Variants in SEC31B observed in about 807,000 individuals in gnomAD.
SEC31B encodes the protein protein transport protein Sec31B.
A neutral mutation model predicts 135.0 loss-of-function variants in SEC31B; 113 were observed. The observed-to-expected ratio is 0.84, with a 90% CI of 0.72 to 0.98. SEC31B has a LOEUF of 0.98. Among genes scored for constraint, SEC31B ranks in the 50% least tolerant of loss-of-function variants. The pLI, the probability that SEC31B is intolerant of heterozygous loss-of-function variation, is 0.00. For missense variants in SEC31B, 1,296 were observed against 1,421.1 expected, an observed-to-expected ratio of 0.91 and a Z score of 1.42; for synonymous variants, 508 against 549.4, an observed-to-expected ratio of 0.92 and a Z score of 1.05.
rs2295773 is a variant in SEC31B at position 100,506,058 on chromosome 10, A to G, written c.1026T>C (p.His342=). ...TTCAAACCTTGTCAGCCTGTCTCAT[A>G]TGCTGGACTTCCCAGCTCCTACCCA... The part of the protein sequence containing the change: ...SVMGRSWEVQ[H]MRQADKISSS... The change falls in exon 9 of 26, where the codon CAT becomes CAC. Residue 342 remains histidine, a synonymous_variant. Coordinates refer to ENST00000370345, the MANE Select transcript of SEC31B (RefSeq NM_015490.4). The G allele has an allele frequency of 0.22, 347,545 of 1,613,790 alleles. 38,236 individuals carry two copies. Among genetic ancestry groups the G allele is most frequent in the South Asian group, 0.23 (20,774 of 91,072 alleles).
chr10:100,508,877 G>C, intron 5 of SEC31B, 130 bp downstream of exon 5: 1 of 702,142 alleles, frequency 1.4e-6, no homozygotes, highest in Non-Finnish European at 2.5e-6. Context: ...ATGTTAGTCT[G>C]TGGAGCTTTA....
chr10:100,505,832 C>G, intron 9 of SEC31B: 2 of 1,472,448 alleles, frequency 1.4e-6, no homozygotes, highest in Non-Finnish European at 1.8e-6. Context: ...CATCCAATAA[C>G]AAGAGTCAAG....
At chr10:100,512,302 A>G (rs1851750790) in intron 3 of SEC31B, among the ~76,000 whole-genome samples, 1 of 152,184 alleles carries the variant, frequency 6.6e-6, no homozygotes, top group South Asian at 2.1e-4. Context: ...ACAGCAGACC[A>G]CACATTGATC....
intron 5 of SEC31B, chr10:100,508,578 C>T (rs770428085): frequency 8.7e-6 from 4 of 458,954 alleles, no homozygotes; most frequent in African/African-American, 2.0e-5. Context: ...AACTGCATGG[C>T]AGAGCCACAT....
intron 23 of SEC31B, 124 bp downstream of exon 23, chr10:100,489,128 A>C: frequency 7.0e-7 from 1 of 1,432,712 alleles, no homozygotes; most frequent in Non-Finnish European, 9.3e-7. Context: ...CAGTAAGGAC[A>C]CCTGGTACCT....
Position 100,488,848 on chromosome 10 carries a change from T to C in SEC31B, c.3288+10A>G. ...GCGAGGAGGGCACTGTGAAGAAGGTTCAGACTTACTAAGTCAGTTGCAGAC... is the reference window on the plus strand; with the variant it reads ...GCGAGGAGGGCACTGTGAAGAAGGTCCAGACTTACTAAGTCAGTTGCAGAC... On this transcript the variant is annotated intron_variant, in intron 24 of 25. Coordinates refer to ENST00000370345, the MANE Select transcript of SEC31B (RefSeq NM_015490.4). The C allele has an allele frequency of 6.3e-7, 1 of 1,580,066 alleles. No individual in the cohort carries two copies. Among genetic ancestry groups the C allele is most frequent in the Non-Finnish European group, 8.6e-7 (1 of 1,163,902 alleles).
intron 11 of SEC31B, among the ~76,000 whole-genome samples, chr10:100,501,422 T>TA (rs2133684833): frequency 6.6e-6 from 1 of 152,298 alleles, no homozygotes; most frequent in Non-Finnish European, 1.5e-5. Flanking sequence ...CATCATTTCT[T>TA]ATTCTTTTCT....
At chr10:100,497,400 C>G in intron 16 of SEC31B, 120 bp from the exon 17 acceptor site, 1 of 1,524,284 alleles carries the variant, frequency 6.6e-7, no homozygotes, top group Non-Finnish European at 8.8e-7. Context: ...TAAGACAACA[C>G]TGAGACTCAC....
At position 100,509,480 on chromosome 10, in the gene SEC31B, T is replaced by G; in HGVS notation, c.235A>C (p.Ser79Arg). 3 of 1,613,788 alleles carry G rather than the reference T, an allele frequency of 1.9e-6. No individual in the cohort carries two copies. Among genetic ancestry groups the G allele is most frequent in the Non-Finnish European group, 2.5e-6 (3 of 1,179,794 alleles). ...ACCCCGGAGCTTTCCAGAAGCCCAC[T>G]GCCAAAGCTCCCCCAGACCAGCTTG... is the stretch of plus-strand genomic sequence containing the variant. ...FHKLVWGSFGSGLLESSGVIV... is the reference protein window; with the variant it reads ...FHKLVWGSFGRGLLESSGVIV... The change falls in exon 4 of 26, where the codon AGT (serine) becomes CGT (arginine). Residue 79 changes from serine (S) to arginine (R), a missense_variant. Ser to Arg is a moderately radical substitution (Grantham distance 110). Transcript: ENST00000370345.
chr10:100,492,222 A>G (rs1589730619), intron 19 of SEC31B, among the ~76,000 whole-genome samples: 1 of 152,176 alleles, frequency 6.6e-6, no homozygotes, highest in South Asian at 2.1e-4. Flanking sequence ...ATTCATGTTC[A>G]CTATTTATTT....
chr10:100,505,406 T>C lies in SEC31B; in HGVS notation c.1134A>G (p.Lys378=), dbSNP rs1388800951. 3 of 1,611,470 alleles carry C rather than the reference T, an allele frequency of 1.9e-6. No homozygotes were observed. The highest frequency in any genetic ancestry group is 2.5e-6 in the Non-Finnish European group (3 of 1,178,744). ...VAQAPLIPPL[K]KPPKWIRRPT... Reference sequence around the variant, plus strand: ...GTCTTCTAATCCATTTGGGGGGTTTTTTCAGGGGAGGTATCAGTGGTGCTT... The same window carrying C: ...GTCTTCTAATCCATTTGGGGGGTTTCTTCAGGGGAGGTATCAGTGGTGCTT... Residue 378 remains lysine (K), a synonymous_variant, in exon 10 of 26, where the codon AAA becomes AAG. Coordinates refer to ENST00000370345, the MANE Select transcript of SEC31B (RefSeq NM_015490.4).
At chr10:100,507,790 T>C in intron 6 of SEC31B, 118 bp downstream of exon 6, 2 of 1,428,728 alleles carry the variant, frequency 1.4e-6, no homozygotes, top group Non-Finnish European at 1.9e-6. Context: ...GCTAAGCGGC[T>C]GACTCCACAT....
chr10:100,488,759 A>T (rs1851240116), intron 24 of SEC31B, 99 bp downstream of exon 24: 1 of 1,411,776 alleles, frequency 7.1e-7, no homozygotes, highest in African/African-American at 1.5e-5. Flanking sequence ...GTCCAGGGGC[A>T]GTGAGAAGAG....
intron 3 of SEC31B, among the ~76,000 whole-genome samples, chr10:100,511,759 C>T (rs907496402): frequency 2.0e-5 from 3 of 152,212 alleles, no homozygotes; most frequent in Admixed American, 2.0e-4. Flanking sequence ...AGTTTGTCCA[C>T]ATTCAAGCCA....
intron 12 of SEC31B, 39 bp from the exon 13 acceptor site, chr10:100,499,297 T>A: frequency 6.9e-7 from 1 of 1,447,736 alleles, no homozygotes; most frequent in Non-Finnish European, 9.6e-7. Context: ...CTTTCAAGCG[T>A]AAGATCAAAT....
intron 10 of SEC31B, among the ~76,000 whole-genome samples, chr10:100,503,569 G>T (rs548091103): frequency 3.3e-5 from 5 of 151,874 alleles, no homozygotes; most frequent in Non-Finnish European, 5.9e-5. Flanking sequence ...AAGTAGCTGG[G>T]ATTACAGGTA....
rs115131598 is a variant in SEC31B at position 100,505,398 on chromosome 10, G to C, written c.1142C>G (p.Pro381Arg). 1 of 1,612,322 alleles carries C rather than the reference G, an allele frequency of 6.2e-7. No individual in the cohort carries two copies. The highest frequency in any genetic ancestry group is 1.3e-5 in the African/African-American group (1 of 74,770). The change falls in exon 10 of 26, where the codon CCC becomes CGC. Residue 381 changes from proline (P) to arginine (R), a missense_variant. Physicochemically the swap from Pro to Arg is moderately radical, Grantham distance 103 (BLOSUM62 -2). Transcript: ENST00000370345. ...APLIPPLKKP[P>R]KWIRRPTGVS... Reference sequence around the variant, plus strand: ...ACCTGTTGGTCTTCTAATCCATTTGGGGGGTTTTTTCAGGGGAGGTATCAG... The same window carrying C: ...ACCTGTTGGTCTTCTAATCCATTTGCGGGGTTTTTTCAGGGGAGGTATCAG...
At chr10:100,490,402 A>C (rs1197924186) in intron 20 of SEC31B, 80 bp from the exon 21 acceptor site, 1 of 1,365,488 alleles carries the variant, frequency 7.3e-7, no homozygotes, top group East Asian at 2.6e-5. Flanking sequence ...GAGAAACAGG[A>C]TTGCAATAAA....
chr10:100,494,080 C>T (rs763093958), intron 19 of SEC31B, among the ~76,000 whole-genome samples: 3 of 150,832 alleles, frequency 2.0e-5, no homozygotes, highest in Non-Finnish European at 4.4e-5. Context: ...CAAGATGAGC[C>T]ATCAGAGCTT....
Sources: gnomAD v4.1 joint callset for allele counts (sites outside exome capture counted in the v4.1 genomes callset) on GRCh38, gnomAD v4.1.1 for gene constraint, MANE v1.5 for transcripts, NCBI Gene and HGNC (gene_info 2026-07-23, HGNC 2026-07-21) for gene names.